TRPV2: variants seen among roughly 807,000 people sequenced by gnomAD.
The protein encoded by TRPV2 is OTRPC2.
TRPV2 carries 58 observed loss-of-function variants against 91.0 expected under a neutral mutation model. The ratio of observed to expected loss-of-function variants is 0.64; its 90% confidence interval spans 0.52 to 0.79. The LOEUF is 0.79. TRPV2 is among the 30% of genes least tolerant of loss of function. The probability of loss-of-function intolerance (pLI) is 0.00; values close to 1 mark genes in which losing one functional copy is unlikely to be tolerated. For synonymous variants in TRPV2, 417 were observed against 414.8 expected (o/e 1.01, Z -0.06); for missense variants, 807 against 969.6 (o/e 0.83, Z 2.23).
intron 10 of TRPV2, among the ~76,000 whole-genome samples, chr17:16,429,785 GC>G (rs2093401313): frequency 6.6e-6 from 1 of 151,872 alleles, no homozygotes; most frequent in Admixed American, 6.6e-5. Context: ...AGGGCCAGGG[GC>G]CCCTTCCACG....
Position 16,426,361 on chromosome 17 carries a change from C to A in TRPV2, c.1095+92C>A. ...GGGGCTGCCTGCTGGACCATATCTG[C>A]CCCATTCCTGTGCCAGTGGGGGTGT... On this transcript the variant is annotated intron_variant, in intron 6 of 14. Transcript: ENST00000338560. This position sits in a 1 kb window ranked among gnomAD's most constrained non-coding sequence, Gnocchi z 6.0. 2 of 1,465,110 alleles carry A rather than the reference C, an allele frequency of 1.4e-6. No individual in the cohort carries two copies. The highest frequency in any genetic ancestry group is 1.4e-5 in the African/African-American group (1 of 71,712). The allele number at this position is 1,465,110 out of a possible 1,614,324, so 90.8% of individuals were successfully genotyped here.
chr17:16,425,751 G>A (rs765033845), intron 5 of TRPV2, among the ~76,000 whole-genome samples: 6 of 152,092 alleles, frequency 3.9e-5, no homozygotes, highest in South Asian at 2.1e-4. Context: ...GATTCTGACC[G>A]CGAAAGTGCA....
At chr17:16,433,165 C>G (rs1282622868) in intron 12 of TRPV2, 1 of 168,906 alleles carries the variant, frequency 5.9e-6, no homozygotes, top group Admixed American at 5.9e-5. Context: ...CCTTGGTGCC[C>G]TCCTCTGCAA....
chr17:16,433,222 A>G (rs563519033), intron 12 of TRPV2: 1 of 219,484 alleles, frequency 4.6e-6, no homozygotes, highest in African/African-American at 2.3e-5. Flanking sequence ...GGGCAGGCAC[A>G]TGTGTGGGGT....
chr17:16,426,675 A>C lies in TRPV2; in HGVS notation c.1096-47A>C. The C allele has an allele frequency of 6.3e-7, 1 of 1,586,284 alleles. No individual in the cohort carries two copies. Among genetic ancestry groups the C allele is most frequent in the South Asian group, 1.2e-5 (1 of 86,054 alleles). On this transcript the variant is annotated intron_variant, in intron 6 of 14. Coordinates refer to ENST00000338560, the MANE Select transcript of TRPV2 (RefSeq NM_016113.5). The surrounding 1 kb of genome is among the most constrained non-coding windows in gnomAD (Gnocchi z 6.0). ...GATCTTGACATGGAGTGGGCAGCCTATTTGCACTTGTTGAGTGTACCCATG... is the reference window on the plus strand; with the variant it reads ...GATCTTGACATGGAGTGGGCAGCCTCTTTGCACTTGTTGAGTGTACCCATG...
chr17:16,418,914 G>T (rs1199544044), intron 2 of TRPV2, among the ~76,000 whole-genome samples: 1 of 151,988 alleles, frequency 6.6e-6, no homozygotes, highest in Non-Finnish European at 1.5e-5. Flanking sequence ...AGTCATAGCT[G>T]TTGGCTTAAA....
intron 13 of TRPV2, among the ~76,000 whole-genome samples, chr17:16,434,399 C>T (rs1187061344): frequency 2.8e-5 from 4 of 143,332 alleles, no homozygotes; most frequent in Non-Finnish European, 6.0e-5. Context: ...ACCTGGGAGG[C>T]GGAGCTTGCA....
chr17:16,417,408 T>C (rs1209154712), intron 1 of TRPV2, among the ~76,000 whole-genome samples, 154 bp from the exon 2 acceptor site: 4 of 151,592 alleles, frequency 2.6e-5, no homozygotes, highest in Non-Finnish European at 5.9e-5. Flanking sequence ...GCCCAGCTAA[T>C]TTTTGTATTT....
chr17:16,434,807 A>G lies in TRPV2; in HGVS notation c.2115-83A>G, dbSNP rs532103997. 32 of 1,372,528 alleles carry G rather than the reference A, an allele frequency of 2.3e-5. No individual in the cohort carries two copies. The African/African-American group carries it at 2.5e-4, about 11-fold the overall frequency. 85.0% of individuals were successfully genotyped at this position (1,372,528 alleles called of 1,614,324 possible). A position where few individuals can be genotyped will look rare whatever the true frequency, so the allele number is the denominator to read the frequency against. On this transcript the variant is annotated intron_variant, in intron 13 of 14. Transcript: ENST00000338560. ...CAGAGCATCTCTGCATAGTCTCCCA[A>G]TTTGGGGGGCCACGCCCCTCTCCGG...
At position 16,433,515 on chromosome 17, in the gene TRPV2, T is replaced by C; in HGVS notation, c.1990-59T>C. The stretch of plus-strand genomic sequence containing the variant: ...ACTTCCCTGCTCCGCTTGCCTTGTG[T>C]GCCTTTGCCCCCAGGCAGGGTCCCA... On this transcript the variant is annotated intron_variant, in intron 12 of 14. Transcript: ENST00000338560. The C allele has an allele frequency of 1.9e-6, 3 of 1,596,060 alleles. No homozygotes were observed. The South Asian group carries it at 3.4e-5, about 18-fold the overall frequency.
intron 9 of TRPV2, 161 bp downstream of exon 9, chr17:16,428,548 C>A: frequency 1.2e-6 from 1 of 826,444 alleles, no homozygotes; most frequent in Non-Finnish European, 2.0e-6. Flanking sequence ...TGCCGTCCAG[C>A]CTGGGGCCCC....
At position 16,428,887 on chromosome 17, in the gene TRPV2, C is replaced by G; in HGVS notation, c.1492C>G (p.Leu498Val). Residue 498 changes from leucine (L) to valine (V), a missense_variant, in exon 10 of 15, where the codon CTG becomes GTG. Leu to Val is a conservative substitution (Grantham distance 32). Transcript: ENST00000338560. ...CFLAIEWYLP[L>V]LVSALVLGWL... ...CCTGGCCATCGAGTGGTACCTGCCC[C>G]TGCTTGTGTCTGCGCTGGTGCTGGG... 6.2e-7 allele frequency: 1 copy of G among 1,614,162 alleles called. No homozygotes were observed. The highest frequency in any genetic ancestry group is 8.5e-7 in the Non-Finnish European group (1 of 1,180,040).
chr17:16,420,373 G>A, intron 3 of TRPV2, 125 bp downstream of exon 3: 1 of 1,233,268 alleles, frequency 8.1e-7, no homozygotes, highest in Non-Finnish European at 1.1e-6. Flanking sequence ...CCCACTGGAA[G>A]GATGGCTGGG....
At chr17:16,423,798 C>G in intron 5 of TRPV2, 31 bp downstream of exon 5, 1 of 1,523,194 alleles carries the variant, frequency 6.6e-7, no homozygotes, top group Non-Finnish European at 8.8e-7. Flanking sequence ...CACTTCCCCT[C>G]TCCAGGAAGC....
chr17:16,423,867 G>A, intron 5 of TRPV2, 100 bp downstream of exon 5: 2 of 1,187,486 alleles, frequency 1.7e-6, no homozygotes, highest in Non-Finnish European at 2.3e-6. Context: ...AAGAGCAGTG[G>A]CTTCTCTGCT....
intron 9 of TRPV2, 36 bp from the exon 10 acceptor site, chr17:16,428,781 G>A: frequency 6.2e-7 from 1 of 1,611,432 alleles, no homozygotes; most frequent in Non-Finnish European, 8.5e-7. Context: ...GGAGCCAAGT[G>A]GCCCGCAAGC....
At chr17:16,432,379 GGCCTTCCCTAGCCAGGA>G in intron 12 of TRPV2, 79 bp downstream of exon 12, 3 of 1,352,198 alleles carry the variant, frequency 2.2e-6, no homozygotes, top group Non-Finnish European at 3.0e-6. Context: ...TGCGGAGCTG[GGCCTTCCCTAGCCAGGA>G]GATGCCGGGT....
intron 8 of TRPV2, among the ~76,000 whole-genome samples, 169 bp downstream of exon 8, chr17:16,427,716 C>T (rs1162670786): frequency 6.6e-6 from 1 of 152,168 alleles, no homozygotes; most frequent in Non-Finnish European, 1.5e-5. Context: ...TCTGAGTCCC[C>T]AGGAACCCCT....
At chr17:16,423,077 G>C (rs2093366059) in intron 4 of TRPV2, among the ~76,000 whole-genome samples, 188 bp downstream of exon 4, 1 of 152,216 alleles carries the variant, frequency 6.6e-6, no homozygotes, top group Non-Finnish European at 1.5e-5. Context: ...CAAACTCCTG[G>C]GTTCTAACAA....
Sources: allele counts gnomAD v4.1 joint callset (sites outside exome capture counted in the v4.1 genomes callset), GRCh38; gene constraint gnomAD v4.1.1; non-coding constraint Gnocchi (gnomAD v3.1); transcripts MANE v1.5; gene names NCBI Gene and HGNC (gene_info 2026-07-23, HGNC 2026-07-21).